CDC45: variants seen among roughly 807,000 people sequenced by gnomAD.
The protein encoded by CDC45 is cell division cycle 45.
Under a neutral mutation model 77.8 loss-of-function variants are expected in CDC45, and 54 were observed. That is an observed-to-expected ratio of 0.69 (90% CI 0.56 to 0.87). CDC45 has a LOEUF of 0.87. Ranked by LOEUF, CDC45 falls within the 40% of genes least tolerant of loss-of-function variation. The pLI, the probability that CDC45 is intolerant of heterozygous loss-of-function variation, is 0.00. For synonymous variants in CDC45, 260 were observed against 272.1 expected, an observed-to-expected ratio of 0.96 and a Z score of 0.44; for missense variants, 649 against 721.6, an observed-to-expected ratio of 0.90 and a Z score of 1.15.
chr22:19,507,067 G>T (rs1601970183), intron 10 of CDC45, among the ~76,000 whole-genome samples: 1 of 152,224 alleles, frequency 6.6e-6, no homozygotes, highest in Non-Finnish European at 1.5e-5. Flanking sequence ...CGACAAGCTG[G>T]TGACGCCCAG....
intron 8 of CDC45, 92 bp from the exon 9 acceptor site, chr22:19,499,009 C>A: frequency 7.3e-7 from 1 of 1,373,134 alleles, no homozygotes. Context: ...GAGTGCTGAG[C>A]TTGGGCCCGT....
chr22:19,512,196 C>A (rs1933553532), intron 13 of CDC45, among the ~76,000 whole-genome samples: 1 of 152,148 alleles, frequency 6.6e-6, no homozygotes, highest in African/African-American at 2.4e-5. Flanking sequence ...TTTAACAGGA[C>A]CCCTTGCTCA....
intron 5 of CDC45, 97 bp downstream of exon 5, chr22:19,484,102 A>G (rs2090028398): frequency 8.4e-7 from 1 of 1,189,160 alleles, no homozygotes; most frequent in South Asian, 1.6e-5. Context: ...TACTGAGGGC[A>G]GTGGGAAGTG....
intron 5 of CDC45, among the ~76,000 whole-genome samples, chr22:19,488,950 CG>C (rs1416430108): frequency 2.0e-5 from 3 of 152,080 alleles, no homozygotes; most frequent in African/African-American, 7.2e-5. Flanking sequence ...CTAAGGCAGG[CG>C]GATCACTTGA....
chr22:19,505,756 C>A (rs1301296495), intron 10 of CDC45, among the ~76,000 whole-genome samples: 2 of 152,202 alleles, frequency 1.3e-5, no homozygotes, highest in Non-Finnish European at 2.9e-5. Flanking sequence ...GGTAGCAGTG[C>A]GGGCAGTGGT....
At chr22:19,483,782 A>G in intron 4 of CDC45, 80 bp from the exon 5 acceptor site, 3 of 1,339,750 alleles carry the variant, frequency 2.2e-6, no homozygotes, top group Non-Finnish European at 2.1e-6. Flanking sequence ...TTAGGAAATG[A>G]TAAGATTCTG....
chr22:19,497,363 T>TA, intron 7 of CDC45, 23 bp from the exon 8 acceptor site: 2 of 1,613,234 alleles, frequency 1.2e-6, no homozygotes, highest in Non-Finnish European at 1.7e-6. Context: ...CCATGAGCCT[T>TA]AGACTTCTCT....
At chr22:19,507,909 C>G in intron 12 of CDC45, 45 bp downstream of exon 12, 1 of 1,313,188 alleles carries the variant, frequency 7.6e-7, no homozygotes, top group Non-Finnish European at 1.1e-6. Flanking sequence ...CATCCAGGTT[C>G]ATTAAAGTGA....
At chr22:19,482,583 C>A in intron 3 of CDC45, 107 bp from the exon 4 acceptor site, 2 of 1,239,738 alleles carry the variant, frequency 1.6e-6, no homozygotes, top group Non-Finnish European at 2.2e-6. Flanking sequence ...GGCCTCGCCA[C>A]ATGTCAGGGA....
chr22:19,494,453 A>C, intron 6 of CDC45, 71 bp downstream of exon 6: 1 of 1,593,656 alleles, frequency 6.3e-7, no homozygotes, highest in South Asian at 1.1e-5. Context: ...TGCCACCCAT[A>C]CCTCTGACTT....
At chr22:19,516,794 C>T (rs367563820) in intron 16 of CDC45, 23 bp from the exon 17 acceptor site, 5 of 1,612,034 alleles carry the variant, frequency 3.1e-6, no homozygotes, top group East Asian at 4.5e-5. Context: ...GCCTGGCCCC[C>T]GACATGTCTT....
At chr22:19,509,982 G>A (rs1465760311) in intron 13 of CDC45, among the ~76,000 whole-genome samples, 1 of 152,014 alleles carries the variant, frequency 6.6e-6, no homozygotes, top group Admixed American at 6.6e-5. Context: ...TTTTTTTAGA[G>A]ACAGGGTCTC....
At chr22:19,511,570 T>G (rs1049948366) in intron 13 of CDC45, among the ~76,000 whole-genome samples, 9 of 152,128 alleles carry the variant, frequency 5.9e-5, no homozygotes, top group Admixed American at 2.6e-4. Flanking sequence ...GCTCAAGCAG[T>G]CTTCCAGCCT....
At chr22:19,481,410 G>T (rs368372021) in intron 3 of CDC45, among the ~76,000 whole-genome samples, 5 of 151,748 alleles carry the variant, frequency 3.3e-5, no homozygotes, top group Admixed American at 1.3e-4. Context: ...ACGGAGTCTC[G>T]CTGTGTCGCC....
intron 4 of CDC45, among the ~76,000 whole-genome samples, chr22:19,483,493 A>C (rs1170930948): frequency 6.6e-6 from 1 of 152,132 alleles, no homozygotes; most frequent in East Asian, 1.9e-4. Context: ...TTTAGTCACC[A>C]CTTAGGGGTT....
intron 9 of CDC45, among the ~76,000 whole-genome samples, chr22:19,503,623 A>G (rs1163352363): frequency 2.0e-5 from 3 of 152,312 alleles, no homozygotes; most frequent in Admixed American, 6.5e-5. Context: ...GACAAAGACA[A>G]ACAAAAGGCC....
rs13447188 is a variant in CDC45, at chr22:19,480,848, C to T, written c.112-105C>T. ...AGCATTTCACTAGCTTTAATGTTAT[C>T]CCGTGTCTTTTGTCTCTCAACCCGT... is the stretch of plus-strand genomic sequence containing the variant. On this transcript the variant is annotated intron_variant, in intron 2 of 18. Transcript: ENST00000263201. The T allele has an allele frequency of 3.0e-3, 2,012 of 676,820 alleles. 24 individuals carry two copies. The highest frequency in any genetic ancestry group is 0.024 in the African/African-American group (1,317 of 55,438). The allele number at this position is 676,820 out of a possible 1,614,324, so 41.9% of individuals were successfully genotyped here.
At chr22:19,514,172 T>C (rs1354378717) in intron 13 of CDC45, among the ~76,000 whole-genome samples, 1 of 152,212 alleles carries the variant, frequency 6.6e-6, no homozygotes, top group Non-Finnish European at 1.5e-5. Context: ...TCTGATGTCT[T>C]TCATATTCAA....
intron 5 of CDC45, among the ~76,000 whole-genome samples, chr22:19,486,286 A>G (rs1353854280): frequency 6.6e-6 from 1 of 152,250 alleles, no homozygotes; most frequent in Non-Finnish European, 1.5e-5. Context: ...TAAGAAATTA[A>G]TAATATCCTA....
Sources: allele counts gnomAD v4.1 joint callset (sites outside exome capture counted in the v4.1 genomes callset), GRCh38; gene constraint gnomAD v4.1.1; transcripts MANE v1.5; gene names NCBI Gene and HGNC (gene_info 2026-07-23, HGNC 2026-07-21).